Variants in DGKI observed in about 807,000 individuals in gnomAD.
DGKI encodes diacylglycerol kinase iota, also known as DAG kinase iota.
A neutral mutation model predicts 147.5 loss-of-function variants in DGKI; 55 were observed. The ratio of observed to expected loss-of-function variants is 0.37; its 90% confidence interval spans 0.30 to 0.47. The LOEUF (loss-of-function observed/expected upper bound fraction) is 0.47. Among genes scored for constraint, DGKI ranks in the 20% least tolerant of loss-of-function variants. DGKI has a pLI of 1.00. For synonymous variants in DGKI, 469 were observed against 477.1 expected (o/e 0.98, Z 0.22); for missense variants, 1,007 against 1,323.8 (o/e 0.76, Z 3.71).
At chr7:137,671,246 C>A in intron 3 of DGKI, among the ~76,000 whole-genome samples, 1 of 152,162 alleles carries the variant, frequency 6.6e-6, no homozygotes, top group East Asian at 1.9e-4. Flanking sequence ...TATTGTGATA[C>A]CCCGTTACAG....
In DGKI at chr7:137,732,178, A is replaced by T. The variant is rs1324165736; in HGVS notation, c.402-42176T>A. Among the ~76,000 whole-genome samples, 32 of 152,040 alleles carry T rather than the reference A, an allele frequency of 2.1e-4. 1 individual carries two copies. Among genetic ancestry groups the T allele is most frequent in the Non-Finnish European group, 2.9e-5 (2 of 67,980 alleles). ...TAGTTTCACAATAGTATATATAATC[A>T]CTTTACAATATATATAGTAAATACA... is the stretch of plus-strand genomic sequence containing the variant. On this transcript the variant is annotated intron_variant, in intron 1 of 32. Transcript: ENST00000614521.
intron 23 of DGKI, among the ~76,000 whole-genome samples, chr7:137,470,599 A>C (rs1814844323): frequency 6.6e-6 from 1 of 151,958 alleles, no homozygotes; most frequent in Admixed American, 6.6e-5. Context: ...GCTGTCTTCC[A>C]GGCTGTCTTC....
intron 21 of DGKI, among the ~76,000 whole-genome samples, chr7:137,491,204 T>C (rs539462723): frequency 6.6e-6 from 1 of 152,024 alleles, no homozygotes; most frequent in Non-Finnish European, 1.5e-5. Context: ...TTAAAGGAGG[T>C]GGTTAAGATA....
chr7:137,426,411 G>A (rs1812808179), intron 28 of DGKI, among the ~76,000 whole-genome samples: 1 of 152,140 alleles, frequency 6.6e-6, no homozygotes, highest in African/African-American at 2.4e-5. Context: ...ACTAAACATA[G>A]AAAGGAACAA....
intron 32 of DGKI, among the ~76,000 whole-genome samples, chr7:137,392,662 G>A (rs1227497254): frequency 6.6e-6 from 1 of 152,150 alleles, no homozygotes; most frequent in Non-Finnish European, 1.5e-5. Flanking sequence ...CTAGTTTGAA[G>A]TTCCTTGAAT....
chr7:137,522,040 G>T, intron 20 of DGKI, 74 bp from the exon 21 acceptor site: 1 of 1,012,618 alleles, frequency 9.9e-7, no homozygotes. Context: ...GAAGGAATAA[G>T]GGCAATATTG....
intron 11 of DGKI, 87 bp from the exon 12 acceptor site, chr7:137,597,994 G>T: frequency 8.3e-7 from 1 of 1,201,198 alleles, no homozygotes; most frequent in Non-Finnish European, 1.2e-6. Flanking sequence ...TGGGTAGGTA[G>T]GGGTGGTGTC....
chr7:137,449,319 C>T (rs79328936), intron 27 of DGKI, among the ~76,000 whole-genome samples: 2 of 152,114 alleles, frequency 1.3e-5, no homozygotes, highest in East Asian at 1.9e-4. Context: ...GATAGAGAGC[C>T]GGAAAATAAA....
intron 23 of DGKI, among the ~76,000 whole-genome samples, chr7:137,484,690 A>G (rs1196480645): frequency 6.6e-6 from 1 of 152,020 alleles, no homozygotes; most frequent in African/African-American, 2.4e-5. Context: ...AGTTGGAAAG[A>G]AACTGCACCC....
At chr7:137,837,649 G>C (rs1021166289) in intron 1 of DGKI, among the ~76,000 whole-genome samples, 1 of 152,198 alleles carries the variant, frequency 6.6e-6, no homozygotes, top group Admixed American at 6.5e-5. Context: ...TCCACCCTGT[G>C]AGGACACCAT....
chr7:137,725,923 G>A (rs1008528933), intron 1 of DGKI, among the ~76,000 whole-genome samples: 3 of 152,066 alleles, frequency 2.0e-5, no homozygotes, highest in African/African-American at 4.8e-5. Flanking sequence ...AGATACATCA[G>A]CTCCTATTTT....
intron 1 of DGKI, among the ~76,000 whole-genome samples, chr7:137,808,319 T>C (rs1265545423): frequency 1.3e-5 from 2 of 152,214 alleles, no homozygotes; most frequent in Admixed American, 1.3e-4. Context: ...TCATAAAATA[T>C]TTATTTCAAA....
intron 6 of DGKI, among the ~76,000 whole-genome samples, chr7:137,634,416 C>T (rs62490472): frequency 0.016 from 2,416 of 152,282 alleles, 40 homozygotes; most frequent in Middle Eastern, 0.027. Flanking sequence ...CAAGGTTGTG[C>T]TATCTGCAAG....
intron 20 of DGKI, among the ~76,000 whole-genome samples, chr7:137,548,289 AG>A (rs1212952963): frequency 2.0e-5 from 3 of 152,218 alleles, no homozygotes; most frequent in African/African-American, 7.2e-5. Flanking sequence ...AGAATGTAGT[AG>A]CTACCCTGAT....
intron 1 of DGKI, among the ~76,000 whole-genome samples, chr7:137,800,938 A>T (rs1190938973): frequency 6.6e-6 from 1 of 152,334 alleles, no homozygotes; most frequent in South Asian, 2.1e-4. Flanking sequence ...CTGTAGAATA[A>T]GAATTTTGTA....
intron 20 of DGKI, among the ~76,000 whole-genome samples, chr7:137,549,243 T>C (rs1376996266): frequency 6.6e-6 from 1 of 152,188 alleles, no homozygotes; most frequent in Non-Finnish European, 1.5e-5. Context: ...GGTAAAAATG[T>C]CAACTAAGAT....
chr7:137,600,617 T>C (rs898644612), intron 10 of DGKI, among the ~76,000 whole-genome samples: 3 of 152,230 alleles, frequency 2.0e-5, no homozygotes, highest in Non-Finnish European at 4.4e-5. Flanking sequence ...TTAGTCAGCC[T>C]ATGTAATTTG....
intron 27 of DGKI, among the ~76,000 whole-genome samples, chr7:137,460,010 T>C (rs890889322): frequency 2.0e-5 from 3 of 152,194 alleles, no homozygotes; most frequent in Admixed American, 2.0e-4. Flanking sequence ...CTCTGATAAG[T>C]AGTATTTTCA....
At chr7:137,823,048 T>C (rs568172082) in intron 1 of DGKI, among the ~76,000 whole-genome samples, 2 of 150,950 alleles carry the variant, frequency 1.3e-5, no homozygotes, top group South Asian at 4.2e-4. Flanking sequence ...GAGGAAAATA[T>C]TCTCCCCCAA....
Sources: gnomAD v4.1 joint callset for allele counts (sites outside exome capture counted in the v4.1 genomes callset) on GRCh38, gnomAD v4.1.1 for gene constraint, MANE v1.5 for transcripts, NCBI Gene and HGNC (gene_info 2026-07-23, HGNC 2026-07-21) for gene names.